DNM3: variants seen among roughly 807,000 people sequenced by gnomAD.
DNM3 encodes the protein dynamin-3.
DNM3 carries 47 observed loss-of-function variants against 101.6 expected under a neutral mutation model. The ratio of observed to expected loss-of-function variants is 0.46; its 90% CI spans 0.37 to 0.59. The LOEUF (loss-of-function observed/expected upper bound fraction) is 0.59. Ranked by LOEUF, DNM3 falls within the 20% of genes least tolerant of loss-of-function variation. The pLI is 0.00. For missense variants in DNM3, 849 were observed against 1,085.7 expected (o/e 0.78, Z 3.06); for synonymous variants, 385 against 387.9 (o/e 0.99, Z 0.09).
At chr1:172,297,134 C>T (rs1367589403) in intron 15 of DNM3, among the ~76,000 whole-genome samples, 4 of 131,938 alleles carry the variant, frequency 3.0e-5, no homozygotes, top group African/African-American at 1.2e-4. Context: ...CAGAGCAAAA[C>T]TCCATCTCAA....
intron 2 of DNM3, among the ~76,000 whole-genome samples, chr1:171,984,533 T>C (rs1374674940): frequency 6.6e-6 from 1 of 152,202 alleles, no homozygotes; most frequent in Non-Finnish European, 1.5e-5. Context: ...TCTTGAGTCA[T>C]TGCTCAAAGG....
chr1:172,242,260 T>G (rs1321820201), intron 14 of DNM3, among the ~76,000 whole-genome samples: 1 of 152,132 alleles, frequency 6.6e-6, no homozygotes, highest in Non-Finnish European at 1.5e-5. Flanking sequence ...CATTTTAGTA[T>G]GTAGACTTTC....
chr1:172,389,296 A>T (rs2069383805), intron 20 of DNM3: 2 of 158,234 alleles, frequency 1.3e-5, no homozygotes, highest in Admixed American at 6.0e-5. Flanking sequence ...GGCTGAATAA[A>T]TCTGGCTGAT....
intron 15 of DNM3, among the ~76,000 whole-genome samples, chr1:172,282,565 C>T (rs1410840455): frequency 6.6e-6 from 1 of 152,038 alleles, no homozygotes; most frequent in African/African-American, 2.4e-5. Context: ...GCCCTCAAGA[C>T]TTAAAAAAAT....
intron 1 of DNM3, among the ~76,000 whole-genome samples, chr1:171,900,632 G>A (rs541126458): frequency 6.6e-6 from 1 of 152,206 alleles, no homozygotes; most frequent in South Asian, 2.1e-4. Flanking sequence ...TCAGGGTGGC[G>A]TGATTTAAGA....
intron 2 of DNM3, among the ~76,000 whole-genome samples, chr1:171,938,734 G>A (rs766670453): frequency 2.0e-5 from 3 of 152,200 alleles, no homozygotes; most frequent in Admixed American, 6.5e-5. Flanking sequence ...TATTAAGGTC[G>A]GACTTGGTCC....
intron 4 of DNM3, among the ~76,000 whole-genome samples, chr1:171,997,056 C>T (rs983631484): frequency 6.6e-6 from 1 of 151,610 alleles, no homozygotes; most frequent in African/African-American, 2.4e-5. Flanking sequence ...AACACTTAGT[C>T]GAAATAGCTA....
At chr1:172,016,041 G>T (rs889865444) in intron 4 of DNM3, among the ~76,000 whole-genome samples, 2 of 149,944 alleles carry the variant, frequency 1.3e-5, no homozygotes, top group Non-Finnish European at 3.0e-5. Flanking sequence ...AAAAAAATTA[G>T]CCAGGCATGG....
At chr1:171,843,974 G>T (rs1478631884) in intron 1 of DNM3, among the ~76,000 whole-genome samples, 1 of 152,058 alleles carries the variant, frequency 6.6e-6, no homozygotes, top group Non-Finnish European at 1.5e-5. Flanking sequence ...AGAGGAAAAA[G>T]GTCATTTAAT....
intron 1 of DNM3, among the ~76,000 whole-genome samples, chr1:171,895,403 A>T (rs925437009): frequency 8.5e-5 from 13 of 152,214 alleles, no homozygotes; most frequent in African/African-American, 2.9e-4. Context: ...ATGAGCATTT[A>T]TTCATGTGTC....
At chr1:172,032,343 T>C (rs937597000) in intron 4 of DNM3, 59 bp from the exon 5 acceptor site, 2 of 1,171,722 alleles carry the variant, frequency 1.7e-6, no homozygotes, top group African/African-American at 1.5e-5. Context: ...GTGACATATA[T>C]GTCTAAAATT....
At chr1:172,165,802 A>G (rs2058722274) in intron 14 of DNM3, among the ~76,000 whole-genome samples, 1 of 152,048 alleles carries the variant, frequency 6.6e-6, no homozygotes, top group Non-Finnish European at 1.5e-5. Flanking sequence ...CTTATGTCTC[A>G]TCTCTCCACT....
At chr1:172,275,012 A>G (rs2063225514) in intron 15 of DNM3, among the ~76,000 whole-genome samples, 1 of 152,076 alleles carries the variant, frequency 6.6e-6, no homozygotes, top group Non-Finnish European at 1.5e-5. Flanking sequence ...ATGCTCTGTT[A>G]TTGGCCATCA....
intron 1 of DNM3, among the ~76,000 whole-genome samples, chr1:171,885,484 A>G (rs2036678223): frequency 6.6e-6 from 1 of 152,174 alleles, no homozygotes; most frequent in African/African-American, 2.4e-5. Flanking sequence ...CTCAGAGTCA[A>G]GGCCTCTGAA....
chr1:172,123,433 C>T (rs556936698), intron 13 of DNM3, among the ~76,000 whole-genome samples: 1 of 152,274 alleles, frequency 6.6e-6, no homozygotes. Context: ...TTTCTGGGGC[C>T]AGGGCACCTG....
chr1:172,117,879 C>T (rs1050599717), intron 13 of DNM3, among the ~76,000 whole-genome samples: 1 of 152,136 alleles, frequency 6.6e-6, no homozygotes, highest in African/African-American at 2.4e-5. Context: ...TGTTCTCTTG[C>T]TTGGTAAGAA....
intron 10 of DNM3, among the ~76,000 whole-genome samples, chr1:172,066,952 TTGTGTGTGTG>T (rs61202714): frequency 5.3e-5 from 8 of 150,124 alleles, no homozygotes; most frequent in African/African-American, 2.0e-4. Context: ...GTCTCTGTGT[TTGTGTGTGTG>T]TGTGTGTGTG....
chr1:172,302,539 G>C (rs1358600281), intron 15 of DNM3, among the ~76,000 whole-genome samples: 1 of 152,246 alleles, frequency 6.6e-6, no homozygotes, highest in African/African-American at 2.4e-5. Context: ...CATGATGTTT[G>C]AGCTCTGAGA....
intron 15 of DNM3, among the ~76,000 whole-genome samples, chr1:172,295,721 C>T (rs1026077260): frequency 6.6e-6 from 1 of 152,060 alleles, no homozygotes; most frequent in Non-Finnish European, 1.5e-5. Flanking sequence ...TAAGGCTAAG[C>T]ACACAGTCAT....
Sources: gnomAD v4.1 joint callset for allele counts (sites outside exome capture counted in the v4.1 genomes callset) on GRCh38, gnomAD v4.1.1 for gene constraint, MANE v1.5 for transcripts, NCBI Gene and HGNC (gene_info 2026-07-23, HGNC 2026-07-21) for gene names.